The following ANGPT2 variants were observed in gnomAD, a reference collection of about 807,000 sequenced individuals.
The protein encoded by ANGPT2 is angiopoietin 2.
In ANGPT2, 28 loss-of-function variants were observed where a neutral mutation model predicts 62.9. That is an observed-to-expected ratio of 0.44 (90% CI 0.33 to 0.61). The LOEUF (loss-of-function observed/expected upper bound fraction) is 0.61, where lower values mean the gene tolerates loss of function less well. Among genes scored for constraint, ANGPT2 ranks in the 20% least tolerant of loss-of-function variants. The pLI is 0.03. For missense variants in ANGPT2, 727 were observed against 594.9 expected (o/e 1.22, Z -2.31); for synonymous variants, 284 against 207.8 (o/e 1.37, Z -3.15).
At chr8:6,505,308 TA>T (rs1340188796) in intron 8 of ANGPT2, among the ~76,000 whole-genome samples, 7 of 44,790 alleles carry the variant, frequency 1.6e-4, no homozygotes, top group African/African-American at 9.9e-4. Flanking sequence ...TATATGTATA[TA>T]ACATATATAT....
At chr8:6,560,198 G>C (rs912295751) in intron 1 of ANGPT2, among the ~76,000 whole-genome samples, 3 of 152,122 alleles carry the variant, frequency 2.0e-5, no homozygotes, top group Non-Finnish European at 2.9e-5. Flanking sequence ...GCTGATCCAG[G>C]AGAGAAAGGA....
At chr8:6,541,680 A>C (rs920788220) in intron 1 of ANGPT2, among the ~76,000 whole-genome samples, 3 of 152,338 alleles carry the variant, frequency 2.0e-5, no homozygotes, top group Middle Eastern at 3.4e-3. Context: ...AGATAGAAGA[A>C]AATATAAAAC....
Position 6,509,045 on chromosome 8 carries a change from A to G in ANGPT2, c.1214T>C (p.Leu405Pro), listed in dbSNP as rs1814380462. ...GCTTATTTTGCCGGCTGTCCCTGTA[A>G]GTCCTTTAAGGTGAATCCTGTAAGC... is the stretch of plus-strand genomic sequence containing the variant. ...ELNYRIHLKG[L>P]TGTAGKISSI... The change falls in exon 8 of 9, where the codon CTT becomes CCT. Residue 405 changes from leucine (L) to proline (P), a missense_variant. Physicochemically the swap from Leu to Pro is moderately conservative, Grantham distance 98. Transcript: ENST00000629816. The G allele has an allele frequency of 6.2e-7, 1 of 1,613,992 alleles. No homozygotes were observed. The highest frequency in any genetic ancestry group is 1.1e-5 in the South Asian group (1 of 91,076).
chr8:6,510,158 C>CTT (rs11395431), intron 7 of ANGPT2, among the ~76,000 whole-genome samples: 114 of 146,622 alleles, frequency 7.8e-4, no homozygotes, highest in Middle Eastern at 3.5e-3. Context: ...GTTGTTTTTT[C>CTT]TTTTTTTTTT....
intron 1 of ANGPT2, among the ~76,000 whole-genome samples, chr8:6,536,090 A>G (rs1820438398): frequency 6.6e-6 from 1 of 152,084 alleles, no homozygotes; most frequent in Non-Finnish European, 1.5e-5. Context: ...AAAAGTAAAA[A>G]TACTTATGTT....
chr8:6,531,526 AG>A (rs1248504104), intron 2 of ANGPT2, among the ~76,000 whole-genome samples: 1 of 152,072 alleles, frequency 6.6e-6, no homozygotes, highest in African/African-American at 2.4e-5. Context: ...TCCTGACCTC[AG>A]GTGATCCACC....
chr8:6,509,908 C>T (rs770318690), intron 7 of ANGPT2, among the ~76,000 whole-genome samples: 12 of 152,268 alleles, frequency 7.9e-5, no homozygotes, highest in Admixed American at 2.0e-4. Context: ...ACCTGTGGCT[C>T]GCTGCCGCTG....
chr8:6,557,597 T>C (rs779944581), intron 1 of ANGPT2, among the ~76,000 whole-genome samples: 2 of 152,116 alleles, frequency 1.3e-5, no homozygotes, highest in Non-Finnish European at 2.9e-5. Flanking sequence ...TAGAGTCGAC[T>C]GTATCAGTTG....
intron 1 of ANGPT2, among the ~76,000 whole-genome samples, chr8:6,538,699 A>C (rs1441369778): frequency 6.6e-6 from 1 of 152,204 alleles, no homozygotes; most frequent in Non-Finnish European, 1.5e-5. Context: ...TTTGATATCA[A>C]AACCATTTTG....
At chr8:6,504,556 A>G (rs1346442459) in intron 8 of ANGPT2, among the ~76,000 whole-genome samples, 1 of 152,158 alleles carries the variant, frequency 6.6e-6, no homozygotes, top group Admixed American at 6.5e-5. Flanking sequence ...TGACTTAATA[A>G]TGGCCCCAAA....
intron 1 of ANGPT2, among the ~76,000 whole-genome samples, chr8:6,545,935 T>C (rs1822504312): frequency 1.3e-5 from 2 of 152,200 alleles, no homozygotes; most frequent in South Asian, 4.1e-4. Context: ...ATAAAATAAC[T>C]TTGTTCATAT....
chr8:6,555,492 C>T (rs571038227), intron 1 of ANGPT2, among the ~76,000 whole-genome samples: 1 of 147,596 alleles, frequency 6.8e-6, no homozygotes, highest in African/African-American at 2.6e-5. Flanking sequence ...GACAGGATCT[C>T]ACTGCGTAGC....
At chr8:6,543,109 C>T (rs1052097402) in intron 1 of ANGPT2, among the ~76,000 whole-genome samples, 6 of 152,064 alleles carry the variant, frequency 3.9e-5, no homozygotes, top group African/African-American at 1.5e-4. Flanking sequence ...GCAACTCCAC[C>T]CCCAGCCAAG....
intron 2 of ANGPT2, among the ~76,000 whole-genome samples, chr8:6,532,110 A>T (rs1344913136): frequency 6.6e-6 from 1 of 152,230 alleles, no homozygotes; most frequent in African/African-American, 2.4e-5. Flanking sequence ...TTCAGTAGAT[A>T]GAACACATGA....
chr8:6,558,541 C>G (rs927134688), intron 1 of ANGPT2, among the ~76,000 whole-genome samples: 1 of 152,170 alleles, frequency 6.6e-6, no homozygotes, highest in Non-Finnish European at 1.5e-5. Context: ...TCTACGGTAA[C>G]TGGCTTACAG....
chr8:6,499,747 C>G lies in ANGPT2; in HGVS notation c.*3354G>C. On this transcript the variant is annotated 3_prime_UTR_variant, in exon 9 of 9. Transcript: ENST00000629816. ...GTCTGAGAACACATCTATTTCAGAT[C>G]TGCGGAGTGTATCACTTTTTGCTGT... 5 of 904,690 alleles carry G rather than the reference C, an allele frequency of 5.5e-6. No homozygotes were observed. Among genetic ancestry groups the G allele is most frequent in the Non-Finnish European group, 9.2e-6 (5 of 542,692 alleles). 56.0% of individuals were successfully genotyped at this position (904,690 alleles called of 1,614,324 possible). A position where few individuals can be genotyped will look rare whatever the true frequency, so the allele number is the denominator to read the frequency against.
intron 8 of ANGPT2, chr8:6,508,674 T>G (rs560350533): frequency 1.7e-6 from 1 of 593,490 alleles, no homozygotes; most frequent in Admixed American, 3.1e-5. Context: ...AAGAATCAAA[T>G]ATCCCCTCTC....
At chr8:6,548,006 T>C (rs1822920261) in intron 1 of ANGPT2, among the ~76,000 whole-genome samples, 1 of 152,072 alleles carries the variant, frequency 6.6e-6, no homozygotes, top group Admixed American at 6.6e-5. Context: ...CCCTCAGTTG[T>C]AGAAATTTAG....
chr8:6,513,941 A>C (rs1236850719), intron 6 of ANGPT2, 97 bp from the exon 7 acceptor site: 10 of 1,170,028 alleles, frequency 8.5e-6, no homozygotes, highest in Admixed American at 2.5e-5. Flanking sequence ...ATAACTATCA[A>C]ATAGCAGAAA....
Sources: gnomAD v4.1 joint callset for allele counts (sites outside exome capture counted in the v4.1 genomes callset) on GRCh38, gnomAD v4.1.1 for gene constraint, MANE v1.5 for transcripts, NCBI Gene and HGNC (gene_info 2026-07-23, HGNC 2026-07-21) for gene names.